The following EOGT variants were observed in gnomAD, a reference collection of about 807,000 sequenced individuals.
EOGT encodes EGF domain-specific O-linked N-acetylglucosamine transferase.
EOGT carries 55 observed loss-of-function variants against 70.5 expected under a neutral mutation model. That is an observed-to-expected ratio of 0.78 (90% CI 0.63 to 0.98). The LOEUF (loss-of-function observed/expected upper bound fraction) is 0.98. Ranked by LOEUF, EOGT falls within the 50% of genes least tolerant of loss-of-function variation. The pLI, the probability that EOGT is intolerant of heterozygous loss-of-function variation, is 0.00. For synonymous variants in EOGT, 246 were observed against 217.1 expected (o/e 1.13, Z -1.17); for missense variants, 703 against 641.9 (o/e 1.10, Z -1.03).
chr3:68,991,052 G>C (rs550233306), intron 10 of EOGT, among the ~76,000 whole-genome samples: 103 of 152,122 alleles, frequency 6.8e-4, no homozygotes, highest in Non-Finnish European at 1.1e-3. Context: ...GGTTTCCTGA[G>C]ATAAAATACT....
chr3:68,985,213 A>G (rs2090771056), intron 14 of EOGT, among the ~76,000 whole-genome samples: 1 of 152,176 alleles, frequency 6.6e-6, no homozygotes, highest in African/African-American at 2.4e-5. Flanking sequence ...TATTCCCAAC[A>G]TTGCACTATT....
rs201846114 is a variant in EOGT at position 69,005,239 on chromosome 3, A to C, written c.421-5T>G. On this transcript the variant is annotated splice_polypyrimidine_tract_variant and splice_region_variant and intron_variant, in intron 6 of 17. Transcript: ENST00000383701. Reference sequence around the variant, plus strand: ...ACACACCAGACTTGAGTCACTCTGAAGGTTGAGCAAAAGAAAAGAATGACT... The same window carrying C: ...ACACACCAGACTTGAGTCACTCTGACGGTTGAGCAAAAGAAAAGAATGACT... 1 of 1,537,884 alleles carries C rather than the reference A, an allele frequency of 6.5e-7. No homozygotes were observed. The highest frequency in any genetic ancestry group is 1.8e-5 in the Admixed American group (1 of 57,092).
Position 68,979,770 on chromosome 3 carries a change from T to A in EOGT, c.1232A>T (p.Asp411Val). Residue 411 changes from aspartate (D) to valine (V), a missense_variant, in exon 16 of 18, where the codon GAT becomes GTT. Asp to Val is a radical substitution (Grantham distance 152, BLOSUM62 -3). Coordinates refer to ENST00000383701, the MANE Select transcript of EOGT (RefSeq NM_001278689.2). ...DYKYRELGFLDQLRITHNTDI... is the reference protein window; with the variant it reads ...DYKYRELGFLVQLRITHNTDI... ...CGTGTTGTGTGTGATCCTTAGTTGA[T>A]CTAAAAACCCAAGTTCTCTGTGAAC... is the stretch of plus-strand genomic sequence containing the variant. 1 of 1,613,472 alleles carries A rather than the reference T, an allele frequency of 6.2e-7. No individual in the cohort carries two copies.
intron 8 of EOGT, among the ~76,000 whole-genome samples, chr3:69,003,171 T>C (rs1201589786): frequency 6.6e-6 from 1 of 152,118 alleles, no homozygotes; most frequent in South Asian, 2.1e-4. Flanking sequence ...TGAGTACAGG[T>C]AATTGCTGGT....
intron 5 of EOGT, among the ~76,000 whole-genome samples, chr3:69,008,201 G>A (rs1325826645): frequency 6.6e-6 from 1 of 152,190 alleles, no homozygotes; most frequent in Non-Finnish European, 1.5e-5. Context: ...TACACTGGGG[G>A]AAAAAATTAT....
At chr3:68,990,479 A>G (rs542309323) in intron 10 of EOGT, among the ~76,000 whole-genome samples, 1 of 151,038 alleles carries the variant, frequency 6.6e-6, no homozygotes, top group Non-Finnish European at 1.5e-5. Context: ...CAGCCTCCCG[A>G]GTAGCTGGGA....
In EOGT at chr3:69,008,298, T is replaced by C. The variant is rs2091488415; in HGVS notation, c.311+130A>G. ...GAAATAGTCAAGTTGAATTCATGAC[T>C]GTGCAAGCAAATTAATATCTAAATG... On this transcript the variant is annotated intron_variant, in intron 5 of 17. Transcript: ENST00000383701. 3.9e-5 allele frequency: 27 copies of C among 696,092 alleles called. No individual in the cohort carries two copies. The South Asian group carries it at 4.9e-4, about 13-fold the overall frequency. 43.1% of individuals were successfully genotyped at this position (696,092 alleles called of 1,614,324 possible).
In EOGT at chr3:69,009,832, AAAC is replaced by A. The variant is rs778955399; in HGVS notation, c.12_14del (p.Leu4del). 1.2e-6 allele frequency: 2 copies of A among 1,613,944 alleles called. No homozygotes were observed. Among genetic ancestry groups the A allele is most frequent in the East Asian group, 4.5e-5 (2 of 44,874 alleles). ...CTTCATGAAGTAAGACTCCAAAGAC[AAAC>A]AACATTAACATAGCAACCTGCAAAC... On this transcript the variant is annotated inframe_deletion, in exon 4 of 18. Coordinates refer to ENST00000383701, the MANE Select transcript of EOGT (RefSeq NM_001278689.2).
chr3:68,979,921 G>T, intron 15 of EOGT, 134 bp from the exon 16 acceptor site: 1 of 825,578 alleles, frequency 1.2e-6, no homozygotes, highest in Non-Finnish European at 1.7e-6. Context: ...TTTTTAAGAA[G>T]CATTTTTGCC....
At position 68,989,416 on chromosome 3, in the gene EOGT, C is replaced by T. The variant is rs920500977; in HGVS notation, c.832-399G>A. Among the ~76,000 whole-genome samples the T allele has an allele frequency of 3.1e-3, 16 of 5,146 alleles. 1 individual carries two copies. The South Asian group carries it at 0.047, about 15-fold the overall frequency. 3.4% of individuals were successfully genotyped at this position (5,146 alleles called of 152,430 possible). On this transcript the variant is annotated intron_variant, in intron 10 of 17. Coordinates refer to ENST00000383701, the MANE Select transcript of EOGT (RefSeq NM_001278689.2). Reference sequence around the variant, plus strand: ...AAAACCATCAGGGTGAATGAAAAATCTTTGGAAAAAAATTTCAGAGCAAGA... The same window carrying T: ...AAAACCATCAGGGTGAATGAAAAATTTTTGGAAAAAAATTTCAGAGCAAGA...
chr3:68,992,148 C>T (rs550572233), intron 10 of EOGT, among the ~76,000 whole-genome samples: 1 of 152,260 alleles, frequency 6.6e-6, no homozygotes, highest in East Asian at 1.9e-4. Flanking sequence ...CAAAACAAAC[C>T]ATGCCTTCCC....
At chr3:68,985,941 C>A (rs2090793373) in intron 14 of EOGT, among the ~76,000 whole-genome samples, 1 of 152,190 alleles carries the variant, frequency 6.6e-6, no homozygotes, top group African/African-American at 2.4e-5. Flanking sequence ...AAAGAACCCA[C>A]TGCCTCACCT....
chr3:68,983,491 A>G (rs752666530), intron 14 of EOGT, among the ~76,000 whole-genome samples: 4 of 152,244 alleles, frequency 2.6e-5, no homozygotes, highest in Non-Finnish European at 4.4e-5. Context: ...GTCCCTCACA[A>G]TTAGGCCACG....
chr3:68,978,374 T>G lies in EOGT; in HGVS notation c.1396A>C (p.Ile466Leu). 1 of 1,613,084 alleles carries G rather than the reference T, an allele frequency of 6.2e-7. No homozygotes were observed. Among genetic ancestry groups the G allele is most frequent in the Non-Finnish European group, 8.5e-7 (1 of 1,179,626 alleles). ...DLARLRGVHY[I>L]TWRRQNKVFP... ...ACTTTGTTCTGCCGTCGCCAAGTGA[T>G]GTAGTGAACGCCTCTCAGCCTGGCC... Residue 466 changes from isoleucine (I) to leucine (L), a missense_variant, in exon 17 of 18, where the codon ATC (isoleucine) becomes CTC (leucine). By Grantham distance (5) the Ile-to-Leu change is conservative (BLOSUM62 2). Transcript: ENST00000383701.
At chr3:68,980,681 T>C (rs17048249) in intron 15 of EOGT, among the ~76,000 whole-genome samples, 1,803 of 152,332 alleles carry the variant, frequency 0.012, 31 homozygotes, top group East Asian at 0.054. Flanking sequence ...AGGAAAAAGA[T>C]GACAGCTCCA....
intron 14 of EOGT, among the ~76,000 whole-genome samples, chr3:68,986,652 A>T (rs1178024185): frequency 6.6e-6 from 1 of 151,796 alleles, no homozygotes; most frequent in Non-Finnish European, 1.5e-5. Context: ...GTGAGTACAA[A>T]CCCCCATCCA....
intron 9 of EOGT, among the ~76,000 whole-genome samples, chr3:69,001,266 G>C (rs1244470598): frequency 2.6e-5 from 4 of 152,010 alleles, no homozygotes; most frequent in Non-Finnish European, 5.9e-5. Context: ...CTTAGCTTTT[G>C]ATTTTAAACA....
intron 14 of EOGT, among the ~76,000 whole-genome samples, chr3:68,984,901 T>C (rs2090760072): frequency 6.6e-6 from 1 of 152,186 alleles, no homozygotes; most frequent in Admixed American, 6.5e-5. Flanking sequence ...GCTGTTTTAG[T>C]AGTAGCACAC....
intron 10 of EOGT, among the ~76,000 whole-genome samples, chr3:68,995,748 C>T (rs1433174089): frequency 6.6e-6 from 1 of 152,162 alleles, no homozygotes; most frequent in African/African-American, 2.4e-5. Context: ...TAGGTAGAGT[C>T]CTCTTCAGAG....
Sources: gnomAD v4.1 joint callset for allele counts (sites outside exome capture counted in the v4.1 genomes callset) on GRCh38, gnomAD v4.1.1 for gene constraint, MANE v1.5 for transcripts, NCBI Gene and HGNC (gene_info 2026-07-23, HGNC 2026-07-21) for gene names.